Variants in MXRA5 observed in about 807,000 individuals in gnomAD.
MXRA5 encodes matrix-remodeling-associated protein 5.
In MXRA5, 41 loss-of-function variants were observed where a neutral mutation model predicts 112.5. The observed-to-expected ratio is 0.36, with a 90% CI of 0.28 to 0.47. MXRA5 has a LOEUF of 0.47. Among genes scored for constraint, MXRA5 ranks in the 20% least tolerant of loss-of-function variants. MXRA5 has a pLI of 0.99. For synonymous variants in MXRA5, 862 were observed against 900.8 expected, an observed-to-expected ratio of 0.96 and a Z score of 0.77; for missense variants, 2,150 against 2,251.0, an observed-to-expected ratio of 0.96 and a Z score of 0.91.
chrX:3,337,832 G>A (rs1443003639), intron 2 of MXRA5, among the ~76,000 whole-genome samples: 3 of 111,755 alleles, frequency 2.7e-5, no homozygotes, highest in African/African-American at 9.7e-5. Context: ...GCATTGCTGA[G>A]TGGTGGGAGT....
chrX:3,327,498 G>C (rs1921541154), intron 4 of MXRA5, among the ~76,000 whole-genome samples: 1 of 112,419 alleles, frequency 8.9e-6, no homozygotes, highest in African/African-American at 3.2e-5. Context: ...TCTCTTGCCT[G>C]AATCACTGCA....
chrX:3,334,825 C>T (rs974330075), intron 2 of MXRA5, among the ~76,000 whole-genome samples: 5 of 111,790 alleles, frequency 4.5e-5, no homozygotes, highest in African/African-American at 1.6e-4. Flanking sequence ...CTACCTGATA[C>T]ATTTCTAATT....
Position 3,323,257 on chromosome X carries a change from G to C in MXRA5, c.2428C>G (p.Pro810Ala), listed in dbSNP as rs41302611. 10 of 1,209,302 alleles carry C rather than the reference G, an allele frequency of 8.3e-6. No individual in the cohort carries two copies. In the African/African-American group the frequency reaches 1.8e-4, roughly 21 times the overall value. ...GTGACTTCTAGACTCAAGGATGGAGGACTTGTGGTTTTAATCAATGGGGGT... is the reference window on the plus strand; with the variant it reads ...GTGACTTCTAGACTCAAGGATGGAGCACTTGTGGTTTTAATCAATGGGGGT... Reference protein sequence around the residue: ...EVPPLIKTTSPPSLSLEVTPP... With the variant: ...EVPPLIKTTSAPSLSLEVTPP... Residue 810 changes from proline to alanine, a missense_variant, in exon 5 of 7, where the codon CCT becomes GCT. Around this residue, in one of 6 missense-constraint regions of MXRA5, gnomAD observed 1,485 missense variants for 1,471.6 expected, o/e 1.01. Coordinates refer to ENST00000217939, the MANE Select transcript of MXRA5 (RefSeq NM_015419.4).
intron 6 of MXRA5, among the ~76,000 whole-genome samples, chrX:3,315,836 C>T (rs191541673): frequency 1.4e-3 from 151 of 110,107 alleles, no homozygotes; most frequent in African/African-American, 4.8e-3. Context: ...AAGCCTAACA[C>T]GTCTATGTAT....
rs1434283003 is a variant in MXRA5, at chrX:3,320,523, C to T, written c.5162G>A (p.Arg1721Lys). Residue 1721 changes from arginine to lysine, a missense_variant, in exon 5 of 7, where the codon AGA (arginine) becomes AAA (lysine). Physicochemically the swap from Arg to Lys is conservative, Grantham distance 26 (BLOSUM62 2). Transcript: ENST00000217939. ...RNPVGKPPSP[R>K]IPHYSNGRLP... ...TCTTCCATTGGAATAATGAGGAATT[C>T]TTGGACTGGGAGGCTTTCCAACTGG... 8.3e-7 allele frequency: 1 copy of T among 1,211,754 alleles called. No individual in the cohort carries two copies. The highest frequency in any genetic ancestry group is 1.1e-6 in the Non-Finnish European group (1 of 895,468).
chrX:3,324,933 T>G lies in MXRA5; in HGVS notation c.752A>C (p.Gln251Pro), dbSNP rs138542346. The change falls in exon 5 of 7, where the codon CAG (glutamine) becomes CCG (proline). Residue 251 changes from glutamine (Q) to proline (P), a missense_variant. By Grantham distance (76) the Gln-to-Pro change is moderately conservative. Coordinates refer to ENST00000217939, the MANE Select transcript of MXRA5 (RefSeq NM_015419.4). ...CKKDKAYEGG[Q>P]LCAMCFSPKK... ...TGGACTGAAGCACATTGCACACAAC[T>G]GACCGCCTTCATAAGCTTTGTCCTT... 2.2e-4 allele frequency: 257 copies of G among 1,193,488 alleles called. No individual in the cohort carries two copies. Among genetic ancestry groups the G allele is most frequent in the Non-Finnish European group, 2.8e-4 (250 of 888,044 alleles).
At chrX:3,332,629 A>C (rs1218031406) in intron 2 of MXRA5, among the ~76,000 whole-genome samples, 1 of 112,573 alleles carries the variant, frequency 8.9e-6, no homozygotes, top group Non-Finnish European at 1.9e-5. Context: ...AATGTTGTAT[A>C]GATTCAATAT....
intron 6 of MXRA5, among the ~76,000 whole-genome samples, chrX:3,315,618 T>C (rs1921095995): frequency 1.8e-5 from 2 of 109,996 alleles, no homozygotes; most frequent in Non-Finnish European, 3.8e-5. Flanking sequence ...TGCCAAGTGT[T>C]GTCTTGGGGC....
intron 6 of MXRA5, among the ~76,000 whole-genome samples, chrX:3,314,881 C>CAGATAGATAGAT (rs77892728): frequency 1.1e-4 from 11 of 102,647 alleles, no homozygotes; most frequent in South Asian, 4.6e-4. Flanking sequence ...GGTAGGTAGG[C>CAGATAGATAGAT]AGATAGATAG....
intron 6 of MXRA5, among the ~76,000 whole-genome samples, chrX:3,314,768 G>A (rs1210552738): frequency 3.6e-5 from 4 of 110,049 alleles, no homozygotes; most frequent in Non-Finnish European, 7.6e-5. Flanking sequence ...CCAGATGCCA[G>A]TAACATTCAT....
chrX:3,340,528 T>C (rs1921892984), intron 2 of MXRA5, among the ~76,000 whole-genome samples: 1 of 111,821 alleles, frequency 8.9e-6, no homozygotes, highest in African/African-American at 3.2e-5. Flanking sequence ...TTTTAAACTT[T>C]TTCTTTTCTT....
rs200390414 is a variant in MXRA5, at chrX:3,324,813, C to G, written c.872G>C (p.Ser291Thr). 8.3e-7 allele frequency: 1 copy of G among 1,209,573 alleles called. No individual in the cohort carries two copies. The highest frequency in any genetic ancestry group is 1.7e-5 in the African/African-American group (1 of 57,179). ...ESPLRQNRSR[S>T]IEEEQEQEED... Reference sequence around the variant, plus strand: ...TTCCTGTTCTTGCTCCTCCTCAATACTCCTGCTCCTGTTCTGTCTCAGAGG... The same window carrying G: ...TTCCTGTTCTTGCTCCTCCTCAATAGTCCTGCTCCTGTTCTGTCTCAGAGG... The change falls in exon 5 of 7, where the codon AGT (serine) becomes ACT (threonine). Residue 291 changes from serine to threonine, a missense_variant. By Grantham distance (58) the Ser-to-Thr change is moderately conservative. Transcript: ENST00000217939.
Position 3,309,523 on chromosome X carries a change from A to C in MXRA5, c.*193T>G. 1 of 437,113 alleles carries C rather than the reference A, an allele frequency of 2.3e-6. No individual in the cohort carries two copies. The allele number at this position is 437,113 out of a possible 1,213,427, so 36.0% of individuals were successfully genotyped here. ...AAAAGAAAGTGTCTCAGCAAGGCTG[A>C]GCCCTCCTTCTCGTGTCTGCATTGC... On this transcript the variant is annotated 3_prime_UTR_variant, in exon 7 of 7. Transcript: ENST00000217939.
At chrX:3,338,386 T>C (rs1334296726) in intron 2 of MXRA5, among the ~76,000 whole-genome samples, 3 of 110,384 alleles carry the variant, frequency 2.7e-5, no homozygotes, top group South Asian at 3.8e-4. Context: ...GATAGATAGA[T>C]AGACAGATAG....
At position 3,308,966 on chromosome X, in the gene MXRA5, T is replaced by G. The variant is rs1003640055; in HGVS notation, c.*750A>C. 12 of 111,585 alleles carry G rather than the reference T, an allele frequency of 1.1e-4. 1 individual carries two copies. The highest frequency in any genetic ancestry group is 8.6e-4 in the Admixed American group (9 of 10,428). 9.2% of individuals were successfully genotyped at this position (111,585 alleles called of 1,213,427 possible). ...GAGAGAAATTTTTTAAAATTATATT[T>G]CCATGTCTGCTGTAATGTATCCAAG... is the stretch of plus-strand genomic sequence containing the variant. On this transcript the variant is annotated 3_prime_UTR_variant, in exon 7 of 7. Coordinates refer to ENST00000217939, the MANE Select transcript of MXRA5 (RefSeq NM_015419.4).
intron 2 of MXRA5, among the ~76,000 whole-genome samples, chrX:3,338,825 TGATA>T (rs751363251): frequency 3.4e-4 from 37 of 109,765 alleles, no homozygotes; most frequent in Non-Finnish European, 5.7e-4. Context: ...GACAGATAGA[TGATA>T]GATAGATACA....
intron 2 of MXRA5, among the ~76,000 whole-genome samples, chrX:3,334,685 C>T (rs1284650025): frequency 8.9e-6 from 1 of 111,995 alleles, no homozygotes; most frequent in Non-Finnish European, 1.9e-5. Flanking sequence ...AAAATTTATA[C>T]ATAATATGAA....
Position 3,334,038 on chromosome X carries a change from G to A in MXRA5, c.189-3265C>T, listed in dbSNP as rs900368791. Among the ~76,000 whole-genome samples, 5 of 111,567 alleles carry A rather than the reference G, an allele frequency of 4.5e-5. No homozygotes were observed. The Admixed American group carries it at 4.7e-4, about 11-fold the overall frequency. ...GCTCTGTTGTCCAGGCCAGAGTGTG[G>A]TGGCACAATCTTGGCTCACTGCAAC... is the stretch of plus-strand genomic sequence containing the variant. On this transcript the variant is annotated intron_variant, in intron 2 of 6. Coordinates refer to ENST00000217939, the MANE Select transcript of MXRA5 (RefSeq NM_015419.4).
Position 3,308,970 on chromosome X carries a change from T to C in MXRA5, c.*746A>G, listed in dbSNP as rs1281097718. ...GAAATTTTTTAAAATTATATTTCCA[T>C]GTCTGCTGTAATGTATCCAAGTCTT... is the stretch of plus-strand genomic sequence containing the variant. On this transcript the variant is annotated 3_prime_UTR_variant, in exon 7 of 7. Transcript: ENST00000217939. The C allele has an allele frequency of 1.8e-5, 2 of 111,672 alleles. No individual in the cohort carries two copies. Among genetic ancestry groups the C allele is most frequent in the Non-Finnish European group, 3.8e-5 (2 of 53,171 alleles). The allele number at this position is 111,672 out of a possible 1,213,427, so 9.2% of individuals were successfully genotyped here.
Sources: gnomAD v4.1 joint callset for allele counts (sites outside exome capture counted in the v4.1 genomes callset) on GRCh38, gnomAD v4.1.1 for gene constraint, gnomAD v4.1.1 regional missense constraint, MANE v1.5 for transcripts, NCBI Gene and HGNC (gene_info 2026-07-23, HGNC 2026-07-21) for gene names.